Variants in ZNF710 observed in about 807,000 individuals in gnomAD.
ZNF710 encodes the protein zinc finger protein 710.
Under a neutral mutation model 50.6 loss-of-function variants are expected in ZNF710, and 13 were observed. The ratio of observed to expected loss-of-function variants is 0.26; its 90% CI spans 0.17 to 0.41. ZNF710 has a LOEUF of 0.41. Among genes scored for constraint, ZNF710 ranks in the 10% least tolerant of loss-of-function variants. ZNF710 has a pLI of 1.00. For missense variants in ZNF710, 721 were observed against 936.6 expected (o/e 0.77, Z 3.01); for synonymous variants, 383 against 397.0 (o/e 0.96, Z 0.42).
intron 3 of ZNF710, among the ~76,000 whole-genome samples, chr15:90,073,861 G>A (rs1407741256): frequency 3.9e-5 from 6 of 151,978 alleles, no homozygotes; most frequent in Middle Eastern, 3.4e-3. Flanking sequence ...GTGGTGGCAC[G>A]TGCCTGTAGT....
chr15:90,000,702 G>A (rs150601130), upstream of ZNF710, among the ~76,000 whole-genome samples: 263 of 152,320 alleles, frequency 1.7e-3, 2 homozygotes, highest in African/African-American at 6.1e-3. Flanking sequence ...AAATACATAA[G>A]TGAAGCACAC....
intron 1 of ZNF710, among the ~76,000 whole-genome samples, chr15:90,047,264 C>A (rs1010957539): frequency 6.6e-6 from 1 of 152,206 alleles, no homozygotes. Context: ...GTGGCCCAGG[C>A]GAGCTGCTGA....
chr15:90,035,686 G>A (rs965266903), intron 1 of ZNF710, among the ~76,000 whole-genome samples: 4 of 152,250 alleles, frequency 2.6e-5, no homozygotes, highest in Admixed American at 6.5e-5. Flanking sequence ...ACATGGGGAC[G>A]TGTATTTGGA....
At chr15:90,033,896 C>G (rs1899023910) in intron 1 of ZNF710, among the ~76,000 whole-genome samples, 1 of 152,172 alleles carries the variant, frequency 6.6e-6, no homozygotes, top group Non-Finnish European at 1.5e-5. Flanking sequence ...TTTCTTTGCC[C>G]CTCAGAGTTT....
chr15:90,079,859 G>C lies in ZNF710; in HGVS notation c.*30G>C. On this transcript the variant is annotated 3_prime_UTR_variant, in exon 5 of 5. Transcript: ENST00000268154. ...AGCTGGGCCACCCCTAACGGGGGCC[G>C]GGGGCGAGGGCATGGGGGTGAGACC... is the stretch of plus-strand genomic sequence containing the variant. 6.4e-7 allele frequency: 1 copy of C among 1,559,894 alleles called. No individual in the cohort carries two copies.
chr15:90,079,797 A>G lies in ZNF710; in HGVS notation c.1963A>G (p.Met655Val), dbSNP rs773488650. Residue 655 changes from methionine (M) to valine (V), a missense_variant, in exon 5 of 5, where the codon ATG becomes GTG. Coordinates refer to ENST00000268154, the MANE Select transcript of ZNF710 (RefSeq NM_198526.4). ...AEASVLTEQA[M>V]KEMAYYNVL is the part of the protein sequence containing the mutation. ...GGCCAGTGTCCTCACTGAACAGGCC[A>G]TGAAAGAGATGGCCTACTACAATGT... The G allele has an allele frequency of 6.2e-7, 1 of 1,608,692 alleles. No homozygotes were observed. Among genetic ancestry groups the G allele is most frequent in the African/African-American group, 1.3e-5 (1 of 74,618 alleles).
Position 90,067,422 on chromosome 15 carries a change from C to G in ZNF710, c.285C>G (p.Thr95=). The G allele has an allele frequency of 6.2e-7, 1 of 1,603,146 alleles. No individual in the cohort carries two copies. The highest frequency in any genetic ancestry group is 8.5e-7 in the Non-Finnish European group (1 of 1,174,656). ...LEVEAACEKH[T]RRKTRPPVRL... ...TGGAGGCAGCCTGTGAGAAGCACAC[C>G]CGGCGGAAGACGCGGCCACCTGTGC... Residue 95 remains threonine (T), a synonymous_variant, in exon 2 of 5, where the codon ACC becomes ACG. Transcript: ENST00000268154. The surrounding 1 kb of genome is among the most constrained non-coding windows in gnomAD (Gnocchi z 8.1).
chr15:90,067,476 G>A lies in ZNF710; in HGVS notation c.339G>A (p.Lys113=). 1 of 1,613,196 alleles carries A rather than the reference G, an allele frequency of 6.2e-7. No homozygotes were observed. Among genetic ancestry groups the A allele is most frequent in the African/African-American group, 1.3e-5 (1 of 75,046 alleles). ...VRLVPKVKFE[K]VEEEEQEVYE... is the part of the protein sequence containing the mutation. ...TGGTGCCCAAGGTCAAGTTCGAGAA[G>A]GTGGAGGAGGAGGAACAGGAGGTCT... The change falls in exon 2 of 5, where the codon AAG becomes AAA. Residue 113 remains lysine, a synonymous_variant. Coordinates refer to ENST00000268154, the MANE Select transcript of ZNF710 (RefSeq NM_198526.4). The surrounding 1 kb of genome is among the most constrained non-coding windows in gnomAD (Gnocchi z 8.1).
chr15:90,002,085 A>T (rs1422296710), intron 1 of ZNF710, among the ~76,000 whole-genome samples: 2 of 150,872 alleles, frequency 1.3e-5, no homozygotes, highest in African/African-American at 4.9e-5. Flanking sequence ...TCGGGCCCGC[A>T]CGTGGGTGTC....
chr15:90,026,636 T>A (rs1898789815), intron 1 of ZNF710, among the ~76,000 whole-genome samples: 1 of 152,094 alleles, frequency 6.6e-6, no homozygotes, highest in Non-Finnish European at 1.5e-5. Flanking sequence ...AGCATGAAAA[T>A]GCTGGGTAGG....
chr15:90,043,925 CCTCT>C (rs1217859922), intron 1 of ZNF710, among the ~76,000 whole-genome samples: 1 of 151,712 alleles, frequency 6.6e-6, no homozygotes, highest in East Asian at 1.9e-4. Context: ...TCCCCTCTTG[CCTCT>C]CTCTCTCCCT....
At position 90,068,146 on chromosome 15, in the gene ZNF710, C is replaced by T; in HGVS notation, c.1009C>T (p.His337Tyr). Residue 337 changes from histidine to tyrosine, a missense_variant, in exon 2 of 5, where the codon CAC (histidine) becomes TAC (tyrosine). This residue lies in a region of ZNF710 where 326 missense variants were observed against 522.0 expected (regional missense o/e 0.62). Coordinates refer to ENST00000268154, the MANE Select transcript of ZNF710 (RefSeq NM_198526.4). This position sits in a 1 kb window ranked among gnomAD's most constrained non-coding sequence, Gnocchi z 5.0. ...CAGCAAGCTCTTCAAGCAGCCCAGC[C>T]ACCTGCAGACGCACCTGCTGACGCA... is the stretch of plus-strand genomic sequence containing the variant. Reference protein sequence around the residue: ...HCSKLFKQPSHLQTHLLTHQG... With the variant: ...HCSKLFKQPSYLQTHLLTHQG... 1 of 1,614,254 alleles carries T rather than the reference C, an allele frequency of 6.2e-7. No homozygotes were observed. The highest frequency in any genetic ancestry group is 8.5e-7 in the Non-Finnish European group (1 of 1,180,048).
chr15:90,013,981 C>G (rs568425187), intron 1 of ZNF710, among the ~76,000 whole-genome samples: 1 of 152,160 alleles, frequency 6.6e-6, no homozygotes, highest in Admixed American at 6.6e-5. Context: ...AGCCCCAGTT[C>G]CTGGCTCACT....
At chr15:90,010,726 G>C (rs568800340) in intron 1 of ZNF710, among the ~76,000 whole-genome samples, 23 of 151,866 alleles carry the variant, frequency 1.5e-4, no homozygotes, top group Admixed American at 7.9e-4. Context: ...TTTCTCTACT[G>C]CTTTGAAACT....
intron 1 of ZNF710, among the ~76,000 whole-genome samples, chr15:90,011,869 T>C (rs547958523): frequency 6.6e-6 from 1 of 152,328 alleles, no homozygotes; most frequent in South Asian, 2.1e-4. Context: ...TTCTCAGTAT[T>C]TACAAGCGTC....
At chr15:90,015,709 C>T (rs1342996589) in intron 1 of ZNF710, among the ~76,000 whole-genome samples, 1 of 151,988 alleles carries the variant, frequency 6.6e-6, no homozygotes, top group East Asian at 1.9e-4. Flanking sequence ...GATCCTCCCA[C>T]CTCAGCTTCC....
chr15:90,000,417 G>A (rs895947921), upstream of ZNF710, among the ~76,000 whole-genome samples: 2 of 152,102 alleles, frequency 1.3e-5, no homozygotes, highest in Non-Finnish European at 2.9e-5. Context: ...AGGGAGCCGA[G>A]AGGGACCTGA....
Position 90,077,634 on chromosome 15 carries a change from A to G in ZNF710, c.1826-2026A>G, listed in dbSNP as rs186664834. ...CTGAGGGAAGAAACAGCCCAAATCTATAAGATATGGGTCAAGTGACCTTGT... is the reference window on the plus strand; with the variant it reads ...CTGAGGGAAGAAACAGCCCAAATCTGTAAGATATGGGTCAAGTGACCTTGT... On this transcript the variant is annotated intron_variant, in intron 4 of 4. Coordinates refer to ENST00000268154, the MANE Select transcript of ZNF710 (RefSeq NM_198526.4). 8.6e-4 allele frequency among the ~76,000 whole-genome samples: 131 copies of G among 152,276 alleles called. 1 individual carries two copies. Among genetic ancestry groups the G allele is most frequent in the African/African-American group, 3.0e-3 (123 of 41,548 alleles).
chr15:90,053,809 C>G (rs577588025), intron 1 of ZNF710, among the ~76,000 whole-genome samples: 2 of 152,122 alleles, frequency 1.3e-5, no homozygotes, highest in South Asian at 2.1e-4. Flanking sequence ...GGGAGCCCCC[C>G]CAACACACAC....
Sources: gnomAD v4.1 joint callset for allele counts (sites outside exome capture counted in the v4.1 genomes callset) on GRCh38, gnomAD v4.1.1 for gene constraint, gnomAD v4.1.1 regional missense constraint, Gnocchi (gnomAD v3.1) non-coding constraint, MANE v1.5 for transcripts, NCBI Gene and HGNC (gene_info 2026-07-23, HGNC 2026-07-21) for gene names.